TRMT61B: variants seen among roughly 807,000 people sequenced by gnomAD.
The protein encoded by TRMT61B is tRNA (adenine(58)-N(1))-methyltransferase, mitochondrial.
A neutral mutation model predicts 52.0 loss-of-function variants in TRMT61B; 56 were observed. The ratio of observed to expected loss-of-function variants is 1.08; its 90% confidence interval spans 0.87 to 1.35. The LOEUF (loss-of-function observed/expected upper bound fraction) is 1.35, where lower values mean the gene tolerates loss of function less well. TRMT61B is among the 40% of genes most tolerant of loss of function. The pLI is 0.00. For synonymous variants in TRMT61B, 206 were observed against 220.0 expected (o/e 0.94, Z 0.56); for missense variants, 650 against 577.9 (o/e 1.12, Z -1.28).
In TRMT61B at chr2:28,851,280, T is replaced by C. The variant is rs1669084246; in HGVS notation, c.1104A>G (p.Glu368=). The C allele has an allele frequency of 6.2e-7, 1 of 1,610,870 alleles. No individual in the cohort carries two copies. Among genetic ancestry groups the C allele is most frequent in the African/African-American group, 1.3e-5 (1 of 74,806 alleles). The change falls in exon 5 of 7, where the codon GAA becomes GAG. Residue 368 remains glutamate (E), a synonymous_variant. Coordinates refer to ENST00000306108, the MANE Select transcript of TRMT61B (RefSeq NM_017910.4). ...CACAGGTGCGAATTCCATCTAAAAG[T>C]TCAATAACCTGTGTGATGCTTTCAG... ...VYVVNITQVI[E]LLDGIRTCEL...
intron 1 of TRMT61B, among the ~76,000 whole-genome samples, chr2:28,866,698 A>G (rs144310266): frequency 6.6e-6 from 1 of 152,222 alleles, no homozygotes; most frequent in Admixed American, 6.5e-5. Flanking sequence ...AGACTATGCT[A>G]TTACTAGATT....
At chr2:28,859,709 TCAG>T (rs139085649) in intron 3 of TRMT61B, among the ~76,000 whole-genome samples, 3 of 152,268 alleles carry the variant, frequency 2.0e-5, no homozygotes, top group Non-Finnish European at 4.4e-5. Flanking sequence ...CAGGAATGGT[TCAG>T]CAGGTTTCTA....
chr2:28,867,701 G>T (rs1397017081), intron 1 of TRMT61B, among the ~76,000 whole-genome samples: 1 of 152,084 alleles, frequency 6.6e-6, no homozygotes, highest in African/African-American at 2.4e-5. Context: ...TTGTCTAATG[G>T]GGAGAAAGGA....
chr2:28,870,020 T>C lies in TRMT61B; in HGVS notation c.258A>G (p.Glu86=), dbSNP rs761688798. Residue 86 remains glutamate (E), a synonymous_variant, in exon 1 of 7, where the codon GAA becomes GAG. Coordinates refer to ENST00000306108, the MANE Select transcript of TRMT61B (RefSeq NM_017910.4). ...DIGTGCLSSL[E]NLRLPTLREE... is the part of the protein sequence containing the mutation. ...CCCGCAGCGTCGGCAGTCTGAGGTT[T>C]TCCAGTGACGAAAGACATCCAGTCC... 9.3e-6 allele frequency: 15 copies of C among 1,613,640 alleles called. No homozygotes were observed. The Admixed American group carries it at 2.5e-4, about 27-fold the overall frequency.
At chr2:28,863,252 G>A (rs565278699) in intron 2 of TRMT61B, among the ~76,000 whole-genome samples, 1 of 152,218 alleles carries the variant, frequency 6.6e-6, no homozygotes, top group Non-Finnish European at 1.5e-5. Context: ...GGGCAACAGT[G>A]AGACCCAGTC....
intron 2 of TRMT61B, among the ~76,000 whole-genome samples, chr2:28,864,211 C>T (rs1269705543): frequency 6.6e-6 from 1 of 151,862 alleles, no homozygotes; most frequent in Non-Finnish European, 1.5e-5. Flanking sequence ...ATTCTTTGGC[C>T]CTAACGATAT....
At chr2:28,855,839 C>T (rs1282490990) in intron 3 of TRMT61B, among the ~76,000 whole-genome samples, 3 of 152,050 alleles carry the variant, frequency 2.0e-5, no homozygotes, top group Non-Finnish European at 4.4e-5. Context: ...GGCATGGTGG[C>T]GGGTGCCTGT....
intron 3 of TRMT61B, among the ~76,000 whole-genome samples, chr2:28,855,805 C>A (rs1669317738): frequency 6.6e-6 from 1 of 152,100 alleles, no homozygotes; most frequent in Non-Finnish European, 1.5e-5. Flanking sequence ...CCTGTCTCTA[C>A]TAAAGATACA....
intron 3 of TRMT61B, 84 bp from the exon 4 acceptor site, chr2:28,852,583 C>G (rs1669169280): frequency 1.2e-6 from 1 of 848,246 alleles, no homozygotes; most frequent in Admixed American, 2.4e-5. Context: ...AAATGACACA[C>G]TTTTGGACAG....
At chr2:28,864,002 A>G (rs1262543879) in intron 2 of TRMT61B, among the ~76,000 whole-genome samples, 1 of 152,182 alleles carries the variant, frequency 6.6e-6, no homozygotes, top group African/African-American at 2.4e-5. Context: ...CTAGAAATTA[A>G]GTGGTAGGAA....
At chr2:28,851,748 G>A (rs891556076) in intron 4 of TRMT61B, among the ~76,000 whole-genome samples, 23 of 151,208 alleles carry the variant, frequency 1.5e-4, no homozygotes, top group African/African-American at 3.6e-4. Context: ...GTGTGGTGGC[G>A]CATACCTGTA....
chr2:28,857,621 AT>A (rs1669400052), intron 3 of TRMT61B, among the ~76,000 whole-genome samples: 2 of 152,200 alleles, frequency 1.3e-5, no homozygotes, highest in South Asian at 4.1e-4. Context: ...AATAGGTACT[AT>A]TATCATTCCT....
At chr2:28,858,322 G>A (rs1018505753) in intron 3 of TRMT61B, among the ~76,000 whole-genome samples, 7 of 151,940 alleles carry the variant, frequency 4.6e-5, no homozygotes, top group African/African-American at 1.2e-4. Flanking sequence ...TTACAGGTGT[G>A]AGCCATTGCG....
intron 2 of TRMT61B, 34 bp from the exon 3 acceptor site, chr2:28,861,342 T>G: frequency 1.3e-6 from 2 of 1,483,260 alleles, no homozygotes; most frequent in Non-Finnish European, 1.8e-6. Context: ...TTTCATAATA[T>G]TAATCAGTTT....
At chr2:28,865,153 C>T in intron 1 of TRMT61B, 34 bp from the exon 2 acceptor site, 1 of 1,249,574 alleles carries the variant, frequency 8.0e-7, no homozygotes, top group South Asian at 1.2e-5. Flanking sequence ...GACTCAGCGA[C>T]CAATAAATAT....
intron 1 of TRMT61B, among the ~76,000 whole-genome samples, chr2:28,869,169 A>G (rs1669973173): frequency 6.6e-6 from 1 of 152,228 alleles, no homozygotes; most frequent in Non-Finnish European, 1.5e-5. Context: ...TTGTAACATG[A>G]TTATTGAATA....
At position 28,863,175 on chromosome 2, in the gene TRMT61B, C is replaced by A. The variant is rs576774217; in HGVS notation, c.802+1842G>T. Among the ~76,000 whole-genome samples, 3 of 151,416 alleles carry A rather than the reference C, an allele frequency of 2.0e-5. No homozygotes were observed. The South Asian group carries it at 6.3e-4, about 32-fold the overall frequency. Reference sequence around the variant, plus strand: ...CATAAGCTGGGCGTGGTGCCCCATGCCTGTAATCCCAGCACTTTGGGAGGC... The same window carrying A: ...CATAAGCTGGGCGTGGTGCCCCATGACTGTAATCCCAGCACTTTGGGAGGC... On this transcript the variant is annotated intron_variant, in intron 2 of 6. Coordinates refer to ENST00000306108, the MANE Select transcript of TRMT61B (RefSeq NM_017910.4).
At chr2:28,861,095 A>G in intron 3 of TRMT61B, 23 bp downstream of exon 3, 1 of 1,567,622 alleles carries the variant, frequency 6.4e-7, no homozygotes, top group Non-Finnish European at 8.6e-7. Flanking sequence ...GTAATAACAC[A>G]GGACCCACGT....
At chr2:28,862,559 G>C (rs1243517315) in intron 2 of TRMT61B, among the ~76,000 whole-genome samples, 2 of 151,138 alleles carry the variant, frequency 1.3e-5, no homozygotes, top group African/African-American at 4.9e-5. Flanking sequence ...TCTCAAACTC[G>C]TGAGCTCAAG....
Sources: gnomAD v4.1 joint callset for allele counts (sites outside exome capture counted in the v4.1 genomes callset) on GRCh38, gnomAD v4.1.1 for gene constraint, MANE v1.5 for transcripts, NCBI Gene and HGNC (gene_info 2026-07-23, HGNC 2026-07-21) for gene names.